Variants in LRRC49 observed in about 807,000 individuals in gnomAD.
LRRC49 encodes the protein leucine rich repeat containing 49.
LRRC49 carries 50 observed loss-of-function variants against 83.3 expected under a neutral mutation model. The observed-to-expected ratio is 0.60, with a 90% confidence interval of 0.48 to 0.76. The LOEUF (loss-of-function observed/expected upper bound fraction) is 0.76, where lower values mean the gene tolerates loss of function less well. Ranked by LOEUF, LRRC49 falls within the 30% of genes least tolerant of loss-of-function variation. The pLI is 0.00. For missense variants in LRRC49, 704 were observed against 809.1 expected, an observed-to-expected ratio of 0.87 and a Z score of 1.58; for synonymous variants, 286 against 283.3, an observed-to-expected ratio of 1.01 and a Z score of -0.10.
chr15:70,955,319 A>G (rs1344202984), intron 8 of LRRC49, among the ~76,000 whole-genome samples: 2 of 152,152 alleles, frequency 1.3e-5, no homozygotes, highest in African/African-American at 2.4e-5. Flanking sequence ...ATCTTAGGAG[A>G]TGACAGCTCC....
At chr15:70,891,616 TGTGA>T (rs1331640693), upstream of LRRC49, among the ~76,000 whole-genome samples, 8 of 124,146 alleles carry the variant, frequency 6.4e-5, no homozygotes, top group African/African-American at 9.9e-5. Flanking sequence ...TGTGTGTGTG[TGTGA>T]GTTTTGGGGG....
chr15:70,978,701 G>A (rs2037295019), intron 9 of LRRC49, among the ~76,000 whole-genome samples: 1 of 152,122 alleles, frequency 6.6e-6, no homozygotes, highest in East Asian at 1.9e-4. Context: ...ATAAATTACT[G>A]AACAGACATG....
intron 10 of LRRC49, among the ~76,000 whole-genome samples, chr15:70,983,210 C>A (rs756460829): frequency 6.6e-6 from 1 of 151,742 alleles, no homozygotes; most frequent in Non-Finnish European, 1.5e-5. Flanking sequence ...TGAATAGAAA[C>A]GTTTCAATTT....
At chr15:70,893,156 C>T (rs2033661972) in intron 1 of LRRC49, 1 of 618,584 alleles carries the variant, frequency 1.6e-6, no homozygotes, top group Middle Eastern at 3.0e-4. Context: ...CTGGGCTCCC[C>T]AGAAGGTGGA....
In LRRC49 at chr15:71,053,452, A is replaced by C. The variant is rs1180247228; in HGVS notation, c.*3840A>C. 1.3e-5 allele frequency: 2 copies of C among 152,200 alleles called. No individual in the cohort carries two copies. Among genetic ancestry groups the C allele is most frequent in the African/African-American group, 4.8e-5 (2 of 41,434 alleles). The allele number at this position is 152,200 out of a possible 1,614,324, so 9.4% of individuals were successfully genotyped here. On this transcript the variant is annotated 3_prime_UTR_variant, in exon 16 of 16. Transcript: ENST00000260382. Reference sequence around the variant, plus strand: ...CAATGCATCTCAACATGTACAATATATACAAGATATACCACACATCTCAGC... The same window carrying C: ...CAATGCATCTCAACATGTACAATATCTACAAGATATACCACACATCTCAGC...
chr15:70,873,925 T>C (rs1340698602), intron 2 of LRRC49, among the ~76,000 whole-genome samples: 6 of 152,190 alleles, frequency 3.9e-5, no homozygotes, highest in African/African-American at 1.4e-4. Flanking sequence ...AACTAGGTGG[T>C]AGGCTTAGTA....
intron 2 of LRRC49, chr15:70,882,832 G>A (rs2033299244): frequency 6.2e-7 from 1 of 1,614,072 alleles, no homozygotes; most frequent in East Asian, 2.2e-5. Flanking sequence ...TTCACAGTGA[G>A]TAGGTACTGA....
At chr15:70,951,521 C>T (rs2036216578) in intron 8 of LRRC49, among the ~76,000 whole-genome samples, 2 of 151,962 alleles carry the variant, frequency 1.3e-5, no homozygotes, top group Non-Finnish European at 1.5e-5. Context: ...CTTTTTCTGG[C>T]TACTATAAAT....
In LRRC49 at chr15:70,920,613, G is replaced by T. The variant is rs927577797; in HGVS notation, c.711+1420G>T. ...CTAGCATATTCCTGCCTATATTTTG[G>T]CTTTCATTTGGAAAGTGCATAATGC... On this transcript the variant is annotated intron_variant, in intron 7 of 15. Transcript: ENST00000260382. Among the ~76,000 whole-genome samples the T allele has an allele frequency of 4.6e-5, 7 of 152,246 alleles. No individual in the cohort carries two copies. In the South Asian group the frequency reaches 1.2e-3, roughly 27 times the overall value.
chr15:71,023,568 A>G (rs1390710092), intron 14 of LRRC49, among the ~76,000 whole-genome samples: 2 of 152,002 alleles, frequency 1.3e-5, no homozygotes, highest in African/African-American at 4.8e-5. Context: ...AGAGAGGAAA[A>G]ACAGGGTGGT....
chr15:70,947,565 A>G (rs982717806), intron 8 of LRRC49, among the ~76,000 whole-genome samples: 10 of 152,178 alleles, frequency 6.6e-5, no homozygotes, highest in African/African-American at 2.4e-4. Flanking sequence ...TTCTAGTATA[A>G]AGAGCGCTTC....
intron 2 of LRRC49, among the ~76,000 whole-genome samples, chr15:70,894,173 G>C (rs2033721172): frequency 6.6e-6 from 1 of 152,194 alleles, no homozygotes; most frequent in South Asian, 2.1e-4. Context: ...TGGGATTACA[G>C]GCAACAGCCA....
At chr15:71,036,121 G>A (rs1057250526) in intron 14 of LRRC49, among the ~76,000 whole-genome samples, 1 of 152,112 alleles carries the variant, frequency 6.6e-6, no homozygotes, top group Admixed American at 6.6e-5. Flanking sequence ...TCATATGTCT[G>A]TTGGCTGCAT....
intron 9 of LRRC49, among the ~76,000 whole-genome samples, chr15:70,972,334 G>T (rs1219836826): frequency 6.6e-6 from 1 of 152,140 alleles, no homozygotes; most frequent in Non-Finnish European, 1.5e-5. Flanking sequence ...TGGCTTGTAG[G>T]GTTTCTGCAG....
upstream of LRRC49, chr15:70,892,384 G>A (rs2033618689): frequency 1.9e-6 from 3 of 1,545,232 alleles, no homozygotes; most frequent in African/African-American, 2.7e-5. Flanking sequence ...TGTCCACTCC[G>A]GGTCGGGATT....
At chr15:70,890,906 A>T (rs2033538906), upstream of LRRC49, among the ~76,000 whole-genome samples, 1 of 152,176 alleles carries the variant, frequency 6.6e-6, no homozygotes, top group Non-Finnish European at 1.5e-5. Context: ...TGCAGGGGGA[A>T]AAAACATGCA....
At chr15:70,989,111 T>C (rs139550685) in intron 11 of LRRC49, among the ~76,000 whole-genome samples, 4 of 152,314 alleles carry the variant, frequency 2.6e-5, no homozygotes, top group African/African-American at 9.6e-5. Flanking sequence ...AACAATTATG[T>C]GTCTTGGAGT....
rs767703838 is a variant in LRRC49 at position 70,904,708 on chromosome 15, G to A, written c.453G>A (p.Gly151=). Residue 151 remains glycine (G), a synonymous_variant, in exon 5 of 16, where the codon GGG becomes GGA. Coordinates refer to ENST00000260382, the MANE Select transcript of LRRC49 (RefSeq NM_017691.5). Reference sequence around the variant, plus strand: ...ATAACCAGATTGAAGAAATTAGTGGGCTTTCGACTCTGAGATGTCTTCGTG... The same window carrying A: ...ATAACCAGATTGAAGAAATTAGTGGACTTTCGACTCTGAGATGTCTTCGTG... ...LYDNQIEEIS[G]LSTLRCLRVL... 1.5e-5 allele frequency: 24 copies of A among 1,613,586 alleles called. No homozygotes were observed. Among genetic ancestry groups the A allele is most frequent in the Admixed American group, 8.3e-5 (5 of 59,996 alleles).
chr15:70,949,477 T>C (rs2036136816), intron 8 of LRRC49, among the ~76,000 whole-genome samples: 2 of 152,196 alleles, frequency 1.3e-5, no homozygotes, highest in South Asian at 4.1e-4. Flanking sequence ...ACAATACTTG[T>C]TAATTATAAT....
Sources: gnomAD v4.1 joint callset for allele counts (sites outside exome capture counted in the v4.1 genomes callset) on GRCh38, gnomAD v4.1.1 for gene constraint, MANE v1.5 for transcripts, NCBI Gene and HGNC (gene_info 2026-07-23, HGNC 2026-07-21) for gene names.